The following ANK1 variants were observed in gnomAD, a reference collection of about 807,000 sequenced individuals.
ANK1 encodes ankyrin-1.
ANK1 carries 51 observed loss-of-function variants against 210.4 expected under a neutral mutation model. The ratio of observed to expected loss-of-function variants is 0.24; its 90% CI spans 0.19 to 0.31. The LOEUF (loss-of-function observed/expected upper bound fraction) is 0.31. ANK1 is among the 10% of genes least tolerant of loss of function. The probability of loss-of-function intolerance (pLI) is 1.00; values close to 1 mark genes in which losing one functional copy is unlikely to be tolerated. For missense variants in ANK1, 2,051 were observed against 2,504.4 expected (o/e 0.82, Z 3.86); for synonymous variants, 967 against 1,025.9 (o/e 0.94, Z 1.10).
At chr8:41,693,876 G>T (rs1399380396) in intron 29 of ANK1, 22 bp downstream of exon 29, 2 of 1,589,348 alleles carry the variant, frequency 1.3e-6, no homozygotes, top group Non-Finnish European at 1.7e-6. Flanking sequence ...GAGAACAGAA[G>T]CGAGGCAGGG....
chr8:41,768,068 C>G (rs1382825399), intron 1 of ANK1, among the ~76,000 whole-genome samples: 1 of 152,188 alleles, frequency 6.6e-6, no homozygotes, highest in East Asian at 1.9e-4. Flanking sequence ...TAGCGTCACC[C>G]GAGGCTGTGT....
chr8:41,807,347 C>T (rs962786230), intron 1 of ANK1, among the ~76,000 whole-genome samples: 2 of 152,202 alleles, frequency 1.3e-5, no homozygotes, highest in Non-Finnish European at 1.5e-5. Context: ...AACCATGACA[C>T]TATATTGCCT....
chr8:41,720,183 T>C (rs1384845292), intron 9 of ANK1, among the ~76,000 whole-genome samples: 1 of 152,220 alleles, frequency 6.6e-6, no homozygotes, highest in Non-Finnish European at 1.5e-5. Context: ...CCCAATTATA[T>C]CCATAGCTAA....
At chr8:41,672,236 G>T in intron 38 of ANK1, 118 bp downstream of exon 38, 2 of 1,100,320 alleles carry the variant, frequency 1.8e-6, no homozygotes, top group Non-Finnish European at 2.6e-6. Flanking sequence ...GTGCTCCTGT[G>T]CAATTAGAAC....
At chr8:41,685,223 C>T (rs560052852) in intron 36 of ANK1, among the ~76,000 whole-genome samples, 18 of 152,366 alleles carry the variant, frequency 1.2e-4, no homozygotes, top group Middle Eastern at 6.8e-3. Flanking sequence ...GCCACCGTGC[C>T]CACCACAGTG....
At chr8:41,884,753 G>A (rs1045666114) in intron 1 of ANK1, among the ~76,000 whole-genome samples, 1 of 151,940 alleles carries the variant, frequency 6.6e-6, no homozygotes, top group African/African-American at 2.4e-5. Context: ...GATCGTTTGA[G>A]CCCAGGAGTT....
chr8:41,698,242 A>G (rs1821657414), intron 23 of ANK1, 121 bp from the exon 24 acceptor site: 5 of 960,240 alleles, frequency 5.2e-6, no homozygotes, highest in African/African-American at 1.6e-5. Flanking sequence ...TGCGCTTCAC[A>G]ACCTGGTGGA....
intron 39 of ANK1, chr8:41,664,739 G>GGGA: frequency 6.8e-7 from 1 of 1,470,160 alleles, no homozygotes; most frequent in South Asian, 1.2e-5. Flanking sequence ...CCACAGCAGC[G>GGGA]TCCCCTCAGC....
intron 1 of ANK1, among the ~76,000 whole-genome samples, chr8:41,761,255 A>T (rs1174130925): frequency 6.6e-6 from 1 of 152,032 alleles, no homozygotes; most frequent in Non-Finnish European, 1.5e-5. Flanking sequence ...ATACACACCC[A>T]TACACAGACG....
chr8:41,740,729 T>C (rs1463855025), intron 2 of ANK1, among the ~76,000 whole-genome samples: 1 of 152,218 alleles, frequency 6.6e-6, no homozygotes, highest in Non-Finnish European at 1.5e-5. Flanking sequence ...GGTTCCTGAG[T>C]TGGTGCAGTG....
intron 22 of ANK1, chr8:41,700,311 C>T: frequency 1.7e-6 from 2 of 1,163,568 alleles, no homozygotes; most frequent in Non-Finnish European, 2.5e-6. Flanking sequence ...CTCCTGGCTC[C>T]AGCTTATTAG....
rs1804989362 is a variant in ANK1, at chr8:41,824,350, T to TA, written c.127-66214dup. ...AACTCACTCATGCAACACATGTTTA[T>TA]AAAGCACCTACTATGTTTGTTGTGC... On this transcript the variant is annotated intron_variant, in intron 1 of 42. Transcript: ENST00000265709. Among the ~76,000 whole-genome samples the TA allele has an allele frequency of 2.0e-5, 3 of 152,340 alleles. No individual in the cohort carries two copies. In the South Asian group the frequency reaches 6.2e-4, roughly 32 times the overall value.
At chr8:41,807,452 G>A (rs151213183) in intron 1 of ANK1, among the ~76,000 whole-genome samples, 60 of 152,278 alleles carry the variant, frequency 3.9e-4, no homozygotes, top group Non-Finnish European at 6.8e-4. Context: ...CAGAGAGTCC[G>A]TACTGCCCTG....
At position 41,668,557 on chromosome 8, in the gene ANK1, C is replaced by T; in HGVS notation, c.5104G>A (p.Asp1702Asn). The change falls in exon 39 of 43, where the codon GAC (aspartate) becomes AAC (asparagine). Residue 1702 changes from aspartate to asparagine, a missense_variant. Asp to Asn is a conservative substitution (Grantham distance 23, BLOSUM62 1). Coordinates refer to ENST00000289734, the MANE Select transcript of ANK1 (RefSeq NM_000037.4). ...VTERSQDRLQ[D>N]WDADGSIVSY... ...ACAATCGAGCCGTCTGCATCCCAGTCCTGCAGTCTGGGGTCCAGAAGAAGC... is the reference window on the plus strand; with the variant it reads ...ACAATCGAGCCGTCTGCATCCCAGTTCTGCAGTCTGGGGTCCAGAAGAAGC... 6.2e-7 allele frequency: 1 copy of T among 1,612,592 alleles called. No individual in the cohort carries two copies. The highest frequency in any genetic ancestry group is 8.5e-7 in the Non-Finnish European group (1 of 1,178,690).
intron 11 of ANK1, 81 bp from the exon 12 acceptor site, chr8:41,717,783 G>A (rs766478945): frequency 7.5e-4 from 930 of 1,246,218 alleles, no homozygotes; most frequent in Non-Finnish European, 1.0e-3. Context: ...AGTATCTAAC[G>A]CTTTCACAAA....
At chr8:41,700,646 A>T (rs992507864) in intron 22 of ANK1, among the ~76,000 whole-genome samples, 1 of 152,200 alleles carries the variant, frequency 6.6e-6, no homozygotes, top group African/African-American at 2.4e-5. Flanking sequence ...ACATCCTCAG[A>T]GTTGAGGATC....
At chr8:41,830,435 G>A (rs1228740446) in intron 1 of ANK1, among the ~76,000 whole-genome samples, 1 of 151,780 alleles carries the variant, frequency 6.6e-6, no homozygotes, top group Non-Finnish European at 1.5e-5. Context: ...CTGGTATATG[G>A]CTGCTTTCCA....
At chr8:41,873,628 G>C (rs1466700709) in intron 1 of ANK1, among the ~76,000 whole-genome samples, 1 of 152,202 alleles carries the variant, frequency 6.6e-6, no homozygotes. Flanking sequence ...AAACAGCACA[G>C]ACCAGAGCCA....
chr8:41,737,433 C>G (rs1833705846), intron 2 of ANK1, among the ~76,000 whole-genome samples: 1 of 152,168 alleles, frequency 6.6e-6, no homozygotes, highest in Admixed American at 6.5e-5. Flanking sequence ...GGCAATTGAT[C>G]TCTAGGATTT....
Sources: gnomAD v4.1 joint callset for allele counts (sites outside exome capture counted in the v4.1 genomes callset) on GRCh38, gnomAD v4.1.1 for gene constraint, MANE v1.5 for transcripts, NCBI Gene and HGNC (gene_info 2026-07-23, HGNC 2026-07-21) for gene names.